Variants in NR6A1 observed in about 807,000 individuals in gnomAD.
NR6A1 encodes nuclear receptor subfamily 6 group A member 1.
Under a neutral mutation model 59.1 loss-of-function variants are expected in NR6A1, and 7 were observed. The ratio of observed to expected loss-of-function variants is 0.12; its 90% CI spans 0.07 to 0.22. NR6A1 has a LOEUF of 0.22. Ranked by LOEUF, NR6A1 falls within the 10% of genes least tolerant of loss-of-function variation. NR6A1 has a pLI of 1.00. For missense variants in NR6A1, 468 were observed against 611.6 expected (o/e 0.77, Z 2.48); for synonymous variants, 243 against 236.1 (o/e 1.03, Z -0.27).
chr9:124,579,607 C>T (rs1275668317), intron 2 of NR6A1, among the ~76,000 whole-genome samples: 1 of 151,874 alleles, frequency 6.6e-6, no homozygotes, highest in African/African-American at 2.4e-5. Flanking sequence ...AAAAAAATGA[C>T]AATATCAAGT....
chr9:124,690,910 G>A (rs558386833), intron 2 of NR6A1, among the ~76,000 whole-genome samples: 1 of 152,302 alleles, frequency 6.6e-6, no homozygotes, highest in African/African-American at 2.4e-5. Context: ...AACACCCCAT[G>A]TCATTCCAGA....
At chr9:124,589,768 C>T (rs577304696) in intron 2 of NR6A1, among the ~76,000 whole-genome samples, 1 of 152,136 alleles carries the variant, frequency 6.6e-6, no homozygotes, top group East Asian at 1.9e-4. Context: ...TTATTAGCTC[C>T]TTTAAAAAGC....
At chr9:124,599,635 C>A in intron 2 of NR6A1, 1 of 1,168,870 alleles carries the variant, frequency 8.6e-7, no homozygotes, top group Non-Finnish European at 1.1e-6. Flanking sequence ...GGCTCCGCGG[C>A]CTCTCGGCGA....
At chr9:124,550,841 C>A (rs945011388) in intron 3 of NR6A1, among the ~76,000 whole-genome samples, 1 of 152,254 alleles carries the variant, frequency 6.6e-6, no homozygotes, top group Admixed American at 6.5e-5. Flanking sequence ...TGGCCTCCTT[C>A]TACATTTGTT....
chr9:124,693,771 T>C (rs1838647782), intron 2 of NR6A1: 1 of 534,434 alleles, frequency 1.9e-6, no homozygotes, highest in African/African-American at 1.9e-5. Flanking sequence ...AACTCACTGA[T>C]CAATGAATGC....
chr9:124,666,231 T>C (rs1462316365), intron 2 of NR6A1, among the ~76,000 whole-genome samples: 1 of 151,770 alleles, frequency 6.6e-6, no homozygotes, highest in Non-Finnish European at 1.5e-5. Context: ...TTTGGTTATC[T>C]GTTATTGTGA....
intron 2 of NR6A1, among the ~76,000 whole-genome samples, chr9:124,674,515 G>C (rs576819048): frequency 4.2e-4 from 64 of 152,222 alleles, no homozygotes; most frequent in Middle Eastern, 6.8e-3. Flanking sequence ...TTGTTATGGG[G>C]ATAAGACAAG....
chr9:124,664,889 G>A (rs2130951477), intron 2 of NR6A1, among the ~76,000 whole-genome samples: 1 of 151,904 alleles, frequency 6.6e-6, no homozygotes, highest in East Asian at 1.9e-4. Flanking sequence ...AGAAATGGCA[G>A]GGGCCAGCGA....
chr9:124,714,039 T>C (rs1010888765), intron 2 of NR6A1, among the ~76,000 whole-genome samples: 1 of 152,188 alleles, frequency 6.6e-6, no homozygotes, highest in Non-Finnish European at 1.5e-5. Flanking sequence ...GGTATATACA[T>C]ACAATGCAAT....
At chr9:124,724,909 T>C (rs1203366232) in intron 2 of NR6A1, among the ~76,000 whole-genome samples, 2 of 152,210 alleles carry the variant, frequency 1.3e-5, no homozygotes, top group Non-Finnish European at 2.9e-5. Context: ...GCCCCTTGTC[T>C]ATGGGACAGA....
At chr9:124,724,667 T>C (rs748633144) in intron 2 of NR6A1, among the ~76,000 whole-genome samples, 21 of 152,342 alleles carry the variant, frequency 1.4e-4, no homozygotes, top group Non-Finnish European at 2.9e-4. Context: ...GACTTCATTA[T>C]ATGTAAGCCA....
chr9:124,540,319 G>A (rs1564170812), intron 4 of NR6A1, 132 bp from the exon 5 acceptor site: 7 of 982,900 alleles, frequency 7.1e-6, no homozygotes, highest in Middle Eastern at 2.4e-4. Flanking sequence ...CCCATATTCC[G>A]GGCCTCTCAC....
At chr9:124,621,257 A>G (rs1056339803) in intron 2 of NR6A1, among the ~76,000 whole-genome samples, 9 of 152,248 alleles carry the variant, frequency 5.9e-5, no homozygotes, top group Non-Finnish European at 1.2e-4. Context: ...CAGTCTGGCT[A>G]AAAGTCACAT....
chr9:124,544,624 G>A (rs1470682012), intron 3 of NR6A1, among the ~76,000 whole-genome samples: 2 of 152,174 alleles, frequency 1.3e-5, no homozygotes, highest in African/African-American at 2.4e-5. Context: ...CAGGTTGAGC[G>A]AACAGTGTAC....
At chr9:124,639,905 T>G (rs895826980) in intron 2 of NR6A1, among the ~76,000 whole-genome samples, 8 of 152,116 alleles carry the variant, frequency 5.3e-5, no homozygotes, top group Non-Finnish European at 1.5e-5. Context: ...TATACAACAT[T>G]AGAACATTTT....
At position 124,590,368 on chromosome 9, in the gene NR6A1, A is replaced by G. The variant is rs181552812; in HGVS notation, c.143-35798T>C. Among the ~76,000 whole-genome samples the G allele has an allele frequency of 9.3e-4, 141 of 152,122 alleles. 1 individual carries two copies. The highest frequency in any genetic ancestry group is 1.5e-4 in the Non-Finnish European group (10 of 67,994). ...AGTTAAAAAAAAAACCCAAAAAGCA[A>G]AAACCCTCAAAGAAATACAGGGCCC... is the stretch of plus-strand genomic sequence containing the variant. On this transcript the variant is annotated intron_variant, in intron 2 of 9. Coordinates refer to ENST00000487099, the MANE Select transcript of NR6A1 (RefSeq NM_033334.4).
chr9:124,587,042 G>C (rs1204525528), intron 2 of NR6A1, among the ~76,000 whole-genome samples: 1 of 152,170 alleles, frequency 6.6e-6, no homozygotes, highest in Non-Finnish European at 1.5e-5. Context: ...CTTATTTTAA[G>C]AAACGGCCAT....
rs1229915201 is a variant in NR6A1, at chr9:124,538,166, T to C, written c.750A>G (p.Ser250=). Residue 250 remains serine (S), a synonymous_variant, in exon 6 of 10, where the codon TCA becomes TCG. Coordinates refer to ENST00000487099, the MANE Select transcript of NR6A1 (RefSeq NM_033334.4). ...ATAACAGCTGGTGAATCAGACTGTA[T>C]GACTGGGGATCCAGGCTGCGAGCTT... The part of the protein sequence containing the change: ...PQQARSLDPQ[S]YSLIHQLLSA... The C allele has an allele frequency of 1.9e-6, 3 of 1,614,082 alleles. No homozygotes were observed. Among genetic ancestry groups the C allele is most frequent in the Admixed American group, 1.7e-5 (1 of 60,004 alleles).
intron 2 of NR6A1, among the ~76,000 whole-genome samples, chr9:124,676,030 T>G (rs1025713725): frequency 2.0e-5 from 3 of 152,100 alleles, no homozygotes; most frequent in Admixed American, 1.3e-4. Flanking sequence ...AGAGAAGGGT[T>G]TTCTTGCAAA....
Sources: allele counts gnomAD v4.1 joint callset (sites outside exome capture counted in the v4.1 genomes callset), GRCh38; gene constraint gnomAD v4.1.1; transcripts MANE v1.5; gene names NCBI Gene and HGNC (gene_info 2026-07-23, HGNC 2026-07-21).